SPAG17: variants seen among roughly 807,000 people sequenced by gnomAD.
SPAG17 encodes sperm associated antigen 17.
SPAG17 carries 169 observed loss-of-function variants against 273.6 expected under a neutral mutation model. The ratio of observed to expected loss-of-function variants is 0.62; its 90% CI spans 0.55 to 0.70. The LOEUF is 0.70. SPAG17 is among the 30% of genes least tolerant of loss of function. SPAG17 has a pLI of 0.00. For synonymous variants in SPAG17, 825 were observed against 873.2 expected, an observed-to-expected ratio of 0.94 and a Z score of 0.97; for missense variants, 2,557 against 2,627.8, an observed-to-expected ratio of 0.97 and a Z score of 0.59.
At chr1:118,138,268 CTA>C (rs1658474116) in intron 3 of SPAG17, among the ~76,000 whole-genome samples, 2 of 151,448 alleles carry the variant, frequency 1.3e-5, no homozygotes, top group Non-Finnish European at 3.0e-5. Context: ...AAATTATTGA[CTA>C]TGCGCTCTTG....
rs142854306 is a variant in SPAG17 at position 118,015,130 on chromosome 1, C to T, written c.4287+835G>A. Among the ~76,000 whole-genome samples, 1,075 of 151,674 alleles carry T rather than the reference C, an allele frequency of 7.1e-3. 11 individuals carry two copies. Among genetic ancestry groups the T allele is most frequent in the African/African-American group, 0.025 (1,020 of 41,326 alleles). On this transcript the variant is annotated intron_variant, in intron 29 of 48. Transcript: ENST00000336338. The stretch of plus-strand genomic sequence containing the variant: ...CAAAACCCTGTCTCTACTAAAAATA[C>T]AAAAATTAGCCGGGCGTGGTGGCAG...
intron 4 of SPAG17, among the ~76,000 whole-genome samples, chr1:118,112,856 T>C (rs1570715586): frequency 6.6e-6 from 1 of 152,262 alleles, no homozygotes; most frequent in East Asian, 1.9e-4. Context: ...CAGTTTAAAA[T>C]GTTATTAAAA....
At chr1:118,029,885 T>C (rs1648233428) in intron 25 of SPAG17, among the ~76,000 whole-genome samples, 1 of 152,146 alleles carries the variant, frequency 6.6e-6, no homozygotes, top group South Asian at 2.1e-4. Flanking sequence ...CATAAATAAT[T>C]AGCTAAAAAT....
At position 117,953,897 on chromosome 1, in the gene SPAG17, CA is replaced by C; in HGVS notation, c.*152del. On this transcript the variant is annotated 3_prime_UTR_variant, in exon 49 of 49. Transcript: ENST00000336338. ...ACTCTATTCGCACGTCTTTATTAAA[CA>C]GATTGAAGCTATTTCATTTGGCAAA... 2.3e-6 allele frequency: 2 copies of C among 872,742 alleles called. No homozygotes were observed. The highest frequency in any genetic ancestry group is 3.6e-6 in the Non-Finnish European group (2 of 555,826). 54.1% of individuals were successfully genotyped at this position (872,742 alleles called of 1,614,324 possible).
intron 28 of SPAG17, among the ~76,000 whole-genome samples, chr1:118,022,513 T>C (rs1282726741): frequency 6.6e-6 from 1 of 152,158 alleles, no homozygotes; most frequent in African/African-American, 2.4e-5. Flanking sequence ...GATGCATTGA[T>C]TATCATGTTG....
At chr1:118,116,513 G>C (rs999196861) in intron 3 of SPAG17, among the ~76,000 whole-genome samples, 4 of 152,150 alleles carry the variant, frequency 2.6e-5, no homozygotes, top group African/African-American at 9.7e-5. Context: ...TGTGCACACT[G>C]CATCTCACGG....
intron 29 of SPAG17, among the ~76,000 whole-genome samples, chr1:118,014,604 G>T (rs1659783333): frequency 6.6e-6 from 1 of 152,178 alleles, no homozygotes; most frequent in Non-Finnish European, 1.5e-5. Flanking sequence ...TTCAGAAGTA[G>T]GCTGAAGAGG....
chr1:118,031,190 T>C (rs1428369551), intron 25 of SPAG17, among the ~76,000 whole-genome samples: 2 of 148,520 alleles, frequency 1.3e-5, no homozygotes, highest in African/African-American at 5.0e-5. Flanking sequence ...TTTTTTTTTT[T>C]TTTTTTTTTT....
intron 3 of SPAG17, among the ~76,000 whole-genome samples, chr1:118,148,066 A>C (rs1659138545): frequency 6.6e-6 from 1 of 152,222 alleles, no homozygotes; most frequent in South Asian, 2.1e-4. Flanking sequence ...CTTATCTCCA[A>C]AATGGAGGTT....
rs1319412977 is a variant in SPAG17, at chr1:118,093,292, T to C, written c.1037A>G (p.Glu346Gly). Residue 346 changes from glutamate (E) to glycine (G), a missense_variant, in exon 8 of 49, where the codon GAA becomes GGA. Transcript: ENST00000336338. Reference protein sequence around the residue: ...MMLKLGTDIFENIACLMYDIL... With the variant: ...MMLKLGTDIFGNIACLMYDIL... ...GTCATACATCAAGCAGGCAATATTTTCAAAAATATCAGTGCCCAATTTCAG... is the reference window on the plus strand; with the variant it reads ...GTCATACATCAAGCAGGCAATATTTCCAAAAATATCAGTGCCCAATTTCAG... 1 of 1,610,802 alleles carries C rather than the reference T, an allele frequency of 6.2e-7. No homozygotes were observed.
At chr1:118,082,918 C>A (rs141886502) in intron 13 of SPAG17, among the ~76,000 whole-genome samples, 5 of 152,148 alleles carry the variant, frequency 3.3e-5, no homozygotes, top group Middle Eastern at 6.8e-3. Flanking sequence ...CACAGTGAGG[C>A]CAGTGTAGAT....
chr1:118,008,253 G>T (rs965146972), intron 30 of SPAG17, 55 bp from the exon 31 acceptor site: 78 of 1,583,514 alleles, frequency 4.9e-5, no homozygotes, highest in Admixed American at 1.7e-5. Context: ...TTGCAAAACA[G>T]ACCTCAGCCT....
At chr1:118,025,505 C>A (rs1647641754) in intron 26 of SPAG17, 89 bp from the exon 27 acceptor site, 3 of 1,054,504 alleles carry the variant, frequency 2.8e-6, no homozygotes, top group Non-Finnish European at 4.0e-6. Context: ...TTTTTCTTTT[C>A]TTTTCTTTAT....
In SPAG17 at chr1:118,099,712, G is replaced by A. The variant is rs1332264376; in HGVS notation, c.723C>T (p.Gly241=). 4 of 1,613,718 alleles carry A rather than the reference G, an allele frequency of 2.5e-6. No individual in the cohort carries two copies. The highest frequency in any genetic ancestry group is 3.4e-6 in the Non-Finnish European group (4 of 1,179,902). The change falls in exon 6 of 49, where the codon GGC becomes GGT. Residue 241 remains glycine, a synonymous_variant. Coordinates refer to ENST00000336338, the MANE Select transcript of SPAG17 (RefSeq NM_206996.4). ...TTTTAATCACGCTGGTTATAGGAATGCCAAGCTCAGCCATAATTGCTAATA... is the reference window on the plus strand; with the variant it reads ...TTTTAATCACGCTGGTTATAGGAATACCAAGCTCAGCCATAATTGCTAATA... ...PQLLAIMAEL[G]IPITSVIKIS...
intron 1 of SPAG17, among the ~76,000 whole-genome samples, chr1:118,184,414 T>C (rs1253054907): frequency 6.6e-6 from 1 of 152,158 alleles, no homozygotes; most frequent in African/African-American, 2.4e-5. Flanking sequence ...TGGGATCTCA[T>C]GCACTTTGAA....
intron 43 of SPAG17, among the ~76,000 whole-genome samples, chr1:117,980,078 G>A (rs1218998610): frequency 6.6e-6 from 1 of 152,196 alleles, no homozygotes; most frequent in Non-Finnish European, 1.5e-5. Flanking sequence ...ATCAGACTGT[G>A]CCCTCATTAC....
chr1:118,086,825 A>G (rs779315966), intron 11 of SPAG17, 41 bp from the exon 12 acceptor site: 2 of 1,614,018 alleles, frequency 1.2e-6, no homozygotes, highest in Non-Finnish European at 1.7e-6. Context: ...GAGAGGATCT[A>G]TACTTTTCCA....
intron 3 of SPAG17, among the ~76,000 whole-genome samples, chr1:118,147,987 T>C (rs1558045860): frequency 1.3e-5 from 2 of 152,170 alleles, no homozygotes; most frequent in East Asian, 1.9e-4. Context: ...GATTTAAAGC[T>C]AACGAGAGTA....
rs531749332 is a variant in SPAG17, at chr1:118,115,562, G to C, written c.316-121C>G. 52 of 1,039,496 alleles carry C rather than the reference G, an allele frequency of 5.0e-5. 1 individual carries two copies. The East Asian group carries it at 1.5e-3, about 29-fold the overall frequency. The allele number at this position is 1,039,496 out of a possible 1,614,324, so 64.4% of individuals were successfully genotyped here. On this transcript the variant is annotated intron_variant, in intron 3 of 48. Transcript: ENST00000336338. Reference sequence around the variant, plus strand: ...TGTCATACTGGAAAGATACTTCATTGCTGGCTGAAAAAAAAAAGTTAGGGA... The same window carrying C: ...TGTCATACTGGAAAGATACTTCATTCCTGGCTGAAAAAAAAAAGTTAGGGA...
Sources: allele counts gnomAD v4.1 joint callset (sites outside exome capture counted in the v4.1 genomes callset), GRCh38; gene constraint gnomAD v4.1.1; transcripts MANE v1.5; gene names NCBI Gene and HGNC (gene_info 2026-07-23, HGNC 2026-07-21).